Variants in SLIT3 observed in about 807,000 individuals in gnomAD.
SLIT3 encodes the protein slit homolog 3 protein.
SLIT3 carries 68 observed loss-of-function variants against 184.0 expected under a neutral mutation model. The ratio of observed to expected loss-of-function variants is 0.37; its 90% CI spans 0.30 to 0.45. The LOEUF (loss-of-function observed/expected upper bound fraction) is 0.45, where lower values mean the gene tolerates loss of function less well. Among genes scored for constraint, SLIT3 ranks in the 20% least tolerant of loss-of-function variants. The pLI, the probability that SLIT3 is intolerant of heterozygous loss-of-function variation, is 1.00. For missense variants in SLIT3, 1,707 were observed against 2,026.0 expected, an observed-to-expected ratio of 0.84 and a Z score of 3.02; for synonymous variants, 831 against 828.6, an observed-to-expected ratio of 1.00 and a Z score of -0.05.
chr5:169,093,432 T>C (rs1241647014), intron 4 of SLIT3, among the ~76,000 whole-genome samples: 1 of 150,904 alleles, frequency 6.6e-6, no homozygotes, highest in Non-Finnish European at 1.5e-5. Context: ...TTTAACTTAA[T>C]ATTCAAAAGA....
Position 168,762,543 on chromosome 5 carries a change from C to G in SLIT3, c.1606G>C (p.Asp536His), listed in dbSNP as rs1372359189. ...IPSHLPEYVTDLRLNDNEVSV... is the reference protein window; with the variant it reads ...IPSHLPEYVTHLRLNDNEVSV... ...TCACGCCGAGGTTGGACTTACAGGT[C>G]GGTGACATATTCAGGGAGGTGGCTT... is the stretch of plus-strand genomic sequence containing the variant. Residue 536 changes from aspartate (D) to histidine (H), a missense_variant, in exon 15 of 36, where the codon GAC (aspartate) becomes CAC (histidine). Coordinates refer to ENST00000519560, the MANE Select transcript of SLIT3 (RefSeq NM_003062.4). 2 of 1,612,990 alleles carry G rather than the reference C, an allele frequency of 1.2e-6. No individual in the cohort carries two copies. The highest frequency in any genetic ancestry group is 1.7e-6 in the Non-Finnish European group (2 of 1,179,242).
chr5:168,814,431 ACC>A (rs1757263837), intron 8 of SLIT3, among the ~76,000 whole-genome samples: 1 of 146,640 alleles, frequency 6.8e-6, no homozygotes, highest in African/African-American at 2.5e-5. Context: ...ACAAACAAAC[ACC>A]CCACCATAGA....
At chr5:169,244,109 T>A (rs1485074335) in intron 3 of SLIT3, among the ~76,000 whole-genome samples, 1 of 152,218 alleles carries the variant, frequency 6.6e-6, no homozygotes, top group Non-Finnish European at 1.5e-5. Flanking sequence ...TCTTTCCCTC[T>A]CATTGAGTCA....
intron 4 of SLIT3, among the ~76,000 whole-genome samples, chr5:169,103,068 C>T (rs1035724333): frequency 1.9e-4 from 29 of 152,116 alleles, no homozygotes; most frequent in African/African-American, 6.8e-4. Context: ...TCATCCACGC[C>T]CTACTCATGG....
rs376654772 is a variant in SLIT3, at chr5:168,964,785, AG to A, written c.414-81450del. 9.3e-4 allele frequency among the ~76,000 whole-genome samples: 142 copies of A among 152,336 alleles called. 1 individual carries two copies. Among genetic ancestry groups the A allele is most frequent in the Middle Eastern group, 3.4e-3 (1 of 294 alleles). ...TTAGTAGGTGAACCCTCTGGAGATA[AG>A]CAAAGGGACCCCTTTGCCATAAGGC... On this transcript the variant is annotated intron_variant, in intron 4 of 35. Coordinates refer to ENST00000519560, the MANE Select transcript of SLIT3 (RefSeq NM_003062.4).
chr5:168,707,590 G>A, intron 26 of SLIT3: 1 of 177,690 alleles, frequency 5.6e-6, no homozygotes, highest in South Asian at 1.4e-4. Flanking sequence ...GTTTGGCAGG[G>A]GCATGGTGGG....
chr5:168,811,594 T>C (rs1007497976), intron 8 of SLIT3, among the ~76,000 whole-genome samples: 1 of 152,206 alleles, frequency 6.6e-6, no homozygotes, highest in Non-Finnish European at 1.5e-5. Flanking sequence ...ACACTAGAGA[T>C]GATCAAACAC....
intron 4 of SLIT3, among the ~76,000 whole-genome samples, chr5:169,164,310 T>C (rs750328310): frequency 1.3e-5 from 2 of 152,206 alleles, no homozygotes; most frequent in African/African-American, 2.4e-5. Flanking sequence ...GAGAAAGCTT[T>C]CCTTCCCAAG....
intron 4 of SLIT3, among the ~76,000 whole-genome samples, chr5:168,931,809 C>T (rs927065057): frequency 6.6e-6 from 1 of 152,136 alleles, no homozygotes; most frequent in South Asian, 2.1e-4. Context: ...AAGAACTGCC[C>T]GTGATATTCT....
At chr5:169,080,473 T>C (rs1758988729) in intron 4 of SLIT3, among the ~76,000 whole-genome samples, 1 of 152,130 alleles carries the variant, frequency 6.6e-6, no homozygotes, top group Non-Finnish European at 1.5e-5. Context: ...GAGACATGAT[T>C]TGACTTGCCC....
At chr5:169,025,486 CTTTCT>C (rs1306915780) in intron 4 of SLIT3, among the ~76,000 whole-genome samples, 3 of 152,172 alleles carry the variant, frequency 2.0e-5, no homozygotes, top group Admixed American at 1.3e-4. Flanking sequence ...CCTTGCTCTT[CTTTCT>C]TTTCTTCAAT....
chr5:168,986,694 G>A (rs115585338), intron 4 of SLIT3, among the ~76,000 whole-genome samples: 6,164 of 152,276 alleles, frequency 0.04, 158 homozygotes, highest in Non-Finnish European at 0.057. Context: ...TCAGAAGGAC[G>A]TGGGTTCACA....
intron 20 of SLIT3, among the ~76,000 whole-genome samples, chr5:168,739,712 C>T (rs1424272984): frequency 6.6e-6 from 1 of 152,180 alleles, no homozygotes; most frequent in African/African-American, 2.4e-5. Flanking sequence ...TCCCAAAGTG[C>T]TGGGATTACA....
intron 20 of SLIT3, among the ~76,000 whole-genome samples, chr5:168,747,302 C>G (rs1451906845): frequency 6.6e-6 from 1 of 152,188 alleles, no homozygotes; most frequent in Admixed American, 6.5e-5. Flanking sequence ...GTTGTCACTT[C>G]GCATGTGCAT....
At position 168,666,241 on chromosome 5, in the gene SLIT3, T is replaced by C; in HGVS notation, c.*213A>G. 1 of 456,202 alleles carries C rather than the reference T, an allele frequency of 2.2e-6. No individual in the cohort carries two copies. The highest frequency in any genetic ancestry group is 3.3e-5 in the East Asian group (1 of 30,008). 28.3% of individuals were successfully genotyped at this position (456,202 alleles called of 1,614,324 possible). ...TGGTACATATACGCAGATGGTGTAA[T>C]ATATTTATATAATAAAAGATGAAAA... On this transcript the variant is annotated 3_prime_UTR_variant, in exon 36 of 36. Transcript: ENST00000519560.
chr5:169,281,691 C>T (rs993219246), intron 1 of SLIT3, among the ~76,000 whole-genome samples: 2 of 152,186 alleles, frequency 1.3e-5, no homozygotes, highest in African/African-American at 4.8e-5. Context: ...TAACTCAGAA[C>T]CCCCACCTGA....
chr5:168,708,300 A>G (rs1409974670), intron 25 of SLIT3, 200 bp from the exon 26 acceptor site: 4 of 631,984 alleles, frequency 6.3e-6, no homozygotes, highest in Admixed American at 5.8e-5. Context: ...CAGTGAGGAA[A>G]AATCACAGTG....
chr5:168,805,754 C>T (rs1756932465), intron 9 of SLIT3, among the ~76,000 whole-genome samples: 1 of 152,178 alleles, frequency 6.6e-6, no homozygotes, highest in Non-Finnish European at 1.5e-5. Context: ...ATTAAGAGCT[C>T]AGTCCCCCTC....
At chr5:169,192,814 A>G (rs1763599385) in intron 4 of SLIT3, among the ~76,000 whole-genome samples, 1 of 152,184 alleles carries the variant, frequency 6.6e-6, no homozygotes, top group African/African-American at 2.4e-5. Context: ...CACTTGCCTG[A>G]CATCTACAAT....
Sources: gnomAD v4.1 joint callset for allele counts (sites outside exome capture counted in the v4.1 genomes callset) on GRCh38, gnomAD v4.1.1 for gene constraint, MANE v1.5 for transcripts, NCBI Gene and HGNC (gene_info 2026-07-23, HGNC 2026-07-21) for gene names.